Variants in PRSS16 observed in about 807,000 individuals in gnomAD.
PRSS16 encodes thymus-specific serine protease.
Under a neutral mutation model 61.7 loss-of-function variants are expected in PRSS16, and 43 were observed. The observed-to-expected ratio is 0.70, with a 90% confidence interval of 0.55 to 0.90. The LOEUF is 0.90. Ranked by LOEUF, PRSS16 falls within the 40% of genes least tolerant of loss-of-function variation. The probability of loss-of-function intolerance (pLI) is 0.00; values close to 1 mark genes in which losing one functional copy is unlikely to be tolerated. For missense variants in PRSS16, 591 were observed against 659.1 expected (o/e 0.90, Z 1.13); for synonymous variants, 273 against 285.2 (o/e 0.96, Z 0.43).
chr6:27,254,403 G>T, intron 9 of PRSS16: 1 of 342,818 alleles, frequency 2.9e-6, no homozygotes, highest in Non-Finnish European at 5.3e-6. Context: ...ATCTTTGTTT[G>T]GCTCAGTTCT....
In PRSS16 at chr6:27,252,724, C is replaced by T. The variant is rs1188133730; in HGVS notation, c.1009-84C>T. On this transcript the variant is annotated intron_variant, in intron 8 of 11. Coordinates refer to ENST00000230582, the MANE Select transcript of PRSS16 (RefSeq NM_005865.4). The surrounding 1 kb of genome is among the most constrained non-coding windows in gnomAD (Gnocchi z 4.2). ...TCACCCTTCTATTTCTGACTTTTGA[C>T]CTCTGGGGACATAGGCCTCTGCACC... 2.7e-6 allele frequency: 4 copies of T among 1,508,862 alleles called. No homozygotes were observed. The highest frequency in any genetic ancestry group is 2.7e-5 in the African/African-American group (2 of 72,750). 93.5% of individuals were successfully genotyped at this position (1,508,862 alleles called of 1,614,324 possible).
chr6:27,253,413 C>T, intron 9 of PRSS16: 1 of 398,056 alleles, frequency 2.5e-6, no homozygotes, highest in Non-Finnish European at 5.0e-6. Context: ...GGGATCCCTT[C>T]CCAGCCGCTT....
At chr6:27,248,134 C>T (rs1761262580) in intron 2 of PRSS16, 86 bp downstream of exon 2, 7 of 1,401,146 alleles carry the variant, frequency 5.0e-6, no homozygotes, top group Non-Finnish European at 4.8e-6. Flanking sequence ...ACTTTTTTCT[C>T]TCTCCACACC....
At position 27,251,204 on chromosome 6, in the gene PRSS16, G is replaced by C. The variant is rs962577930; in HGVS notation, c.670-13G>C. On this transcript the variant is annotated splice_polypyrimidine_tract_variant and intron_variant, in intron 6 of 11. Coordinates refer to ENST00000230582, the MANE Select transcript of PRSS16 (RefSeq NM_005865.4). The surrounding 1 kb of genome is among the most constrained non-coding windows in gnomAD (Gnocchi z 5.6). ...GACACTTCCGGATACCTTCCTCTGC[G>C]GTCCGCCCACAGGTGGTATCCCGAA... 1 of 1,613,306 alleles carries C rather than the reference G, an allele frequency of 6.2e-7. No individual in the cohort carries two copies. Among genetic ancestry groups the C allele is most frequent in the African/African-American group, 1.3e-5 (1 of 75,042 alleles).
intron 9 of PRSS16, chr6:27,253,580 G>T: frequency 2.8e-6 from 1 of 359,256 alleles, no homozygotes; most frequent in Non-Finnish European, 5.5e-6. Context: ...AGGATGCCCA[G>T]TTAAATTTGA....
rs1480370972 is a variant in PRSS16 at position 27,255,299 on chromosome 6, T to C, written c.1529T>C (p.Ile510Thr). The change falls in exon 12 of 12, where the codon ATT (isoleucine) becomes ACT (threonine). Residue 510 changes from isoleucine (I) to threonine (T), a missense_variant. Transcript: ENST00000230582. The surrounding 1 kb of genome is among the most constrained non-coding windows in gnomAD (Gnocchi z 4.4). ...TWLKLAKESQ[I>T]KGEV ...CTCAAGCTGGCAAAGGAGAGCCAGATTAAGGGTGAAGTCTGAATCTCATAC... is the reference window on the plus strand; with the variant it reads ...CTCAAGCTGGCAAAGGAGAGCCAGACTAAGGGTGAAGTCTGAATCTCATAC... The C allele has an allele frequency of 1.8e-6, 2 of 1,096,710 alleles. No individual in the cohort carries two copies. Among genetic ancestry groups the C allele is most frequent in the African/African-American group, 3.5e-5 (2 of 57,022 alleles). 67.9% of individuals were successfully genotyped at this position (1,096,710 alleles called of 1,614,324 possible). A position where few individuals can be genotyped will look rare whatever the true frequency, so the allele number is the denominator to read the frequency against.
At chr6:27,250,622 TG>T in intron 4 of PRSS16, 60 bp from the exon 5 acceptor site, 1 of 1,513,846 alleles carries the variant, frequency 6.6e-7, no homozygotes, top group Non-Finnish European at 8.8e-7. Context: ...TCCCCCAGAA[TG>T]GGGAAATCTT....
intron 9 of PRSS16, chr6:27,253,649 G>GT (rs1008595039): frequency 5.2e-6 from 1 of 193,192 alleles, no homozygotes; most frequent in Non-Finnish European, 1.1e-5. Flanking sequence ...ACTACATATG[G>GT]TAAATTAAAT....
In PRSS16 at chr6:27,252,152, T is replaced by C. The variant is rs9357032; in HGVS notation, c.1008+112T>C. ...CCTTCTCTGAAACTTCGTTTTCTCATCTGTAAAATGGGGATAACACTTCAC... is the reference window on the plus strand; with the variant it reads ...CCTTCTCTGAAACTTCGTTTTCTCACCTGTAAAATGGGGATAACACTTCAC... On this transcript the variant is annotated intron_variant, in intron 8 of 11. Coordinates refer to ENST00000230582, the MANE Select transcript of PRSS16 (RefSeq NM_005865.4). This position sits in a 1 kb window ranked among gnomAD's most constrained non-coding sequence, Gnocchi z 4.2. The C allele has an allele frequency of 3.2e-4, 410 of 1,283,976 alleles. 2 individuals are homozygous for C. The East Asian group carries it at 8.8e-3, about 28-fold the overall frequency. 79.5% of individuals were successfully genotyped at this position (1,283,976 alleles called of 1,614,324 possible).
chr6:27,255,344 G>T lies in PRSS16; in HGVS notation c.*29G>T. 6.4e-7 allele frequency: 1 copy of T among 1,571,624 alleles called. No individual in the cohort carries two copies. Among genetic ancestry groups the T allele is most frequent in the Non-Finnish European group, 8.7e-7 (1 of 1,149,480 alleles). ...TCATACCCTTTCCACTCCCTGCATG[G>T]TCACCTCAGTCCTGGACATACTTGT... On this transcript the variant is annotated 3_prime_UTR_variant, in exon 12 of 12. Transcript: ENST00000230582. The surrounding 1 kb of genome is among the most constrained non-coding windows in gnomAD (Gnocchi z 4.4).
chr6:27,251,582 G>T lies in PRSS16; in HGVS notation c.718-168G>T, dbSNP rs1285123751. 3.5e-5 allele frequency: 31 copies of T among 882,952 alleles called. 3 individuals are homozygous for T. The highest frequency in any genetic ancestry group is 2.2e-4 in the African/African-American group (13 of 58,124). The allele number at this position is 882,952 out of a possible 1,614,324, so 54.7% of individuals were successfully genotyped here. On this transcript the variant is annotated intron_variant, in intron 7 of 11. Coordinates refer to ENST00000230582, the MANE Select transcript of PRSS16 (RefSeq NM_005865.4). The surrounding 1 kb of genome is among the most constrained non-coding windows in gnomAD (Gnocchi z 5.6). ...CCGAGAAGGAGGGCTGCGAGGCAGG[G>T]GATTGGGGGCGGGGGCCTGGGGGCG...
At position 27,248,925 on chromosome 6, in the gene PRSS16, G is replaced by T. The variant is rs780965303; in HGVS notation, c.316G>T (p.Gly106Trp). 1.2e-6 allele frequency: 2 copies of T among 1,611,768 alleles called. No individual in the cohort carries two copies. Among genetic ancestry groups the T allele is most frequent in the African/African-American group, 2.7e-5 (2 of 74,846 alleles). Reference sequence around the variant, plus strand: ...GCATCTAGGGGGTGAGGGCAGCCTTGGGCCTGGCTCAGTGATGAGAGGTAA... The same window carrying T: ...GCATCTAGGGGGTGAGGGCAGCCTTTGGCCTGGCTCAGTGATGAGAGGTAA... The part of the protein sequence containing the change: ...FLHLGGEGSL[G>W]PGSVMRGHPA... Residue 106 changes from glycine to tryptophan, a missense_variant, in exon 3 of 12, where the codon GGG becomes TGG. By Grantham distance (184) the Gly-to-Trp change is radical. Transcript: ENST00000230582.
chr6:27,248,257 G>A (rs932648866), intron 2 of PRSS16, among the ~76,000 whole-genome samples: 4 of 151,738 alleles, frequency 2.6e-5, no homozygotes, highest in Admixed American at 2.6e-4. Flanking sequence ...GGTCCCACTC[G>A]TTTTGTCCCT....
chr6:27,250,225 T>C (rs1759847460), intron 4 of PRSS16, among the ~76,000 whole-genome samples: 1 of 152,212 alleles, frequency 6.6e-6, no homozygotes, highest in African/African-American at 2.4e-5. Flanking sequence ...AAGAAAGCCC[T>C]TGGGAGGAGA....
At chr6:27,250,877 G>A in intron 5 of PRSS16, 71 bp downstream of exon 5, 1 of 1,561,018 alleles carries the variant, frequency 6.4e-7, no homozygotes, top group Admixed American at 1.8e-5. Flanking sequence ...CAGATAATAG[G>A]AATACCCTCC....
chr6:27,255,689 C>T lies in PRSS16; in HGVS notation c.*374C>T, dbSNP rs1006338114. On this transcript the variant is annotated 3_prime_UTR_variant, in exon 12 of 12. Coordinates refer to ENST00000230582, the MANE Select transcript of PRSS16 (RefSeq NM_005865.4). The surrounding 1 kb of genome is among the most constrained non-coding windows in gnomAD (Gnocchi z 4.4). ...AAGTTTCTTTTTCTGGACTTTAGAT[C>T]CTGAACCTGTCCTTGCTTCTCAGTT... 1 of 216,878 alleles carries T rather than the reference C, an allele frequency of 4.6e-6. No homozygotes were observed. The highest frequency in any genetic ancestry group is 9.3e-6 in the Non-Finnish European group (1 of 107,010). 13.4% of individuals were successfully genotyped at this position (216,878 alleles called of 1,614,324 possible). A position where few individuals can be genotyped will look rare whatever the true frequency, so the allele number is the denominator to read the frequency against.
In PRSS16 at chr6:27,254,830, G is replaced by T. The variant is rs1037261619; in HGVS notation, c.1288G>T (p.Gly430Cys). The T allele has an allele frequency of 6.2e-7, 1 of 1,614,026 alleles. No individual in the cohort carries two copies. Among genetic ancestry groups the T allele is most frequent in the South Asian group, 1.1e-5 (1 of 91,080 alleles). Reference sequence around the variant, plus strand: ...TGTGGCTCAGACGAACTCCTACTACGGTGGCCAGACCCCTGGGGCTAACAA... The same window carrying T: ...TGTGGCTCAGACGAACTCCTACTACTGTGGCCAGACCCCTGGGGCTAACAA... ...QAVAQTNSYYGGQTPGANKVL... is the reference protein window; with the variant it reads ...QAVAQTNSYYCGQTPGANKVL... The change falls in exon 10 of 12, where the codon GGT (glycine) becomes TGT (cysteine). Residue 430 changes from glycine (G) to cysteine (C), a missense_variant. Coordinates refer to ENST00000230582, the MANE Select transcript of PRSS16 (RefSeq NM_005865.4).
At chr6:27,253,219 C>T in intron 9 of PRSS16, 1 of 471,442 alleles carries the variant, frequency 2.1e-6, no homozygotes, top group South Asian at 2.4e-5. Flanking sequence ...CCAGGGATGG[C>T]CCCCTTTCCC....
chr6:27,248,793 G>T, intron 2 of PRSS16, 54 bp from the exon 3 acceptor site: 1 of 1,189,652 alleles, frequency 8.4e-7, no homozygotes, highest in Non-Finnish European at 1.2e-6. Flanking sequence ...GAGGAATTGA[G>T]AATAAGTCAG....
Sources: gnomAD v4.1 joint callset for allele counts (sites outside exome capture counted in the v4.1 genomes callset) on GRCh38, gnomAD v4.1.1 for gene constraint, Gnocchi (gnomAD v3.1) non-coding constraint, MANE v1.5 for transcripts, NCBI Gene and HGNC (gene_info 2026-07-23, HGNC 2026-07-21) for gene names.